The following MAPK10 variants were observed in gnomAD, a reference collection of about 807,000 sequenced individuals.
MAPK10 encodes the protein mitogen-activated protein kinase 10.
In MAPK10, 25 loss-of-function variants were observed where a neutral mutation model predicts 59.3. That is an observed-to-expected ratio of 0.42 (90% CI 0.31 to 0.59). The LOEUF is 0.59. Ranked by LOEUF, MAPK10 falls within the 20% of genes least tolerant of loss-of-function variation. The pLI, the probability that MAPK10 is intolerant of heterozygous loss-of-function variation, is 0.15. For synonymous variants in MAPK10, 190 were observed against 200.5 expected (o/e 0.95, Z 0.44); for missense variants, 351 against 568.9 (o/e 0.62, Z 3.90).
intron 3 of MAPK10, among the ~76,000 whole-genome samples, chr4:86,187,422 G>C (rs114682792): frequency 6.6e-6 from 1 of 152,036 alleles, no homozygotes; most frequent in African/African-American, 2.4e-5. Flanking sequence ...GGAGCAAGAT[G>C]GCACAAGATT....
At chr4:86,158,559 T>C (rs957025820) in intron 4 of MAPK10, among the ~76,000 whole-genome samples, 1 of 151,796 alleles carries the variant, frequency 6.6e-6, no homozygotes. Context: ...CCTGAATTTT[T>C]ACTTATCTGT....
At chr4:86,262,228 C>A (rs1353465360) in intron 2 of MAPK10, among the ~76,000 whole-genome samples, 1 of 152,166 alleles carries the variant, frequency 6.6e-6, no homozygotes, top group Non-Finnish European at 1.5e-5. Flanking sequence ...GTTTCCTCCC[C>A]CTCCCCTCTC....
chr4:86,327,385 C>A (rs1046696467), intron 2 of MAPK10: 2 of 151,924 alleles, frequency 1.3e-5, no homozygotes, highest in African/African-American at 4.8e-5. Context: ...GATTATCTCA[C>A]CCCCCAAAAA....
chr4:86,166,109 T>C (rs1231512212), intron 3 of MAPK10, among the ~76,000 whole-genome samples: 1 of 152,198 alleles, frequency 6.6e-6, no homozygotes, highest in Non-Finnish European at 1.5e-5. Flanking sequence ...TGAATACTTA[T>C]TAGGCACCAA....
intron 1 of MAPK10, among the ~76,000 whole-genome samples, chr4:86,521,986 C>G (rs1460457110): frequency 1.3e-5 from 2 of 151,688 alleles, no homozygotes; most frequent in Non-Finnish European, 2.9e-5. Context: ...GGAATGGCTT[C>G]CCTGGGTTGA....
At chr4:86,195,577 A>AT (rs957459095) in intron 2 of MAPK10, among the ~76,000 whole-genome samples, 3 of 148,968 alleles carry the variant, frequency 2.0e-5, no homozygotes, top group African/African-American at 5.2e-5. Flanking sequence ...TTTTATTTGT[A>AT]TTTTTTTATT....
intron 3 of MAPK10, among the ~76,000 whole-genome samples, chr4:86,169,831 A>T (rs1357542226): frequency 4.6e-5 from 7 of 152,194 alleles, no homozygotes; most frequent in Middle Eastern, 3.4e-3. Flanking sequence ...CGGGTTACCC[A>T]CAAAGGGAAG....
At chr4:86,344,916 T>C (rs1459956837) in intron 2 of MAPK10, among the ~76,000 whole-genome samples, 1 of 152,132 alleles carries the variant, frequency 6.6e-6, no homozygotes, top group Non-Finnish European at 1.5e-5. Context: ...TGCACACTAG[T>C]CTTTCAATAG....
intron 1 of MAPK10, among the ~76,000 whole-genome samples, chr4:86,505,848 T>C (rs965782615): frequency 6.6e-6 from 1 of 152,116 alleles, no homozygotes; most frequent in Non-Finnish European, 1.5e-5. Flanking sequence ...AGCCTACTTA[T>C]TGCGTCAATA....
intron 2 of MAPK10, among the ~76,000 whole-genome samples, chr4:86,280,652 T>C (rs924475940): frequency 6.6e-6 from 1 of 152,170 alleles, no homozygotes; most frequent in Non-Finnish European, 1.5e-5. Flanking sequence ...CTCATGTTTG[T>C]TGCAGTAATA....
At chr4:86,145,950 G>C (rs1481972925) in intron 4 of MAPK10, among the ~76,000 whole-genome samples, 1 of 152,104 alleles carries the variant, frequency 6.6e-6, no homozygotes, top group East Asian at 1.9e-4. Flanking sequence ...CAATTTCACA[G>C]AAAAGGAGTC....
rs181246460 is a variant in MAPK10 at position 86,251,324 on chromosome 4, C to G, written c.-6-56917G>C. On this transcript the variant is annotated intron_variant, in intron 2 of 13. Transcript: ENST00000641462. ...ATATCTACCAATGCTATCCCTCCCCCCTCCTCCCTCCCCACCACAGTCCCC... is the reference window on the plus strand; with the variant it reads ...ATATCTACCAATGCTATCCCTCCCCGCTCCTCCCTCCCCACCACAGTCCCC... Among the ~76,000 whole-genome samples the G allele has an allele frequency of 5.9e-3, 902 of 152,086 alleles. 5 individuals are homozygous for G. Among genetic ancestry groups the G allele is most frequent in the Non-Finnish European group, 9.3e-3 (629 of 67,996 alleles).
intron 1 of MAPK10, among the ~76,000 whole-genome samples, chr4:86,487,362 AGTGTGT>A (rs35053159): frequency 1.3e-5 from 2 of 148,716 alleles, no homozygotes; most frequent in Non-Finnish European, 3.0e-5. Flanking sequence ...AGAGAGAGAG[AGTGTGT>A]GTGTGTGTGT....
intron 1 of MAPK10, among the ~76,000 whole-genome samples, chr4:86,421,099 A>C (rs1362543755): frequency 2.6e-5 from 4 of 151,878 alleles, no homozygotes; most frequent in African/African-American, 9.7e-5. Context: ...AAAAAAAAAA[A>C]TTTACATATA....
chr4:86,107,250 G>A lies in MAPK10; in HGVS notation c.339C>T (p.Val113=), dbSNP rs28760360. The A allele has an allele frequency of 1.1e-3, 1,773 of 1,613,020 alleles. 17 individuals are homozygous for A. The African/African-American group carries it at 0.019, about 17-fold the overall frequency. Residue 113 remains valine, a synonymous_variant, in exon 5 of 14, where the codon GTC becomes GTT. Transcript: ENST00000641462. ...TTTTATGGTTCACACACTTCATGAG[G>A]ACCAGCTCCCGGTACGCTCTCTTGG... ...THAKRAYREL[V]LMKCVNHKNI...
At chr4:86,149,870 T>A (rs1467142870) in intron 4 of MAPK10, among the ~76,000 whole-genome samples, 2 of 152,186 alleles carry the variant, frequency 1.3e-5, no homozygotes, top group African/African-American at 4.8e-5. Context: ...TTCACAGCCC[T>A]CAGTATGTTG....
chr4:86,324,573 A>C (rs1269071714), intron 2 of MAPK10, among the ~76,000 whole-genome samples: 3 of 152,206 alleles, frequency 2.0e-5, no homozygotes, highest in Non-Finnish European at 4.4e-5. Flanking sequence ...ATTCAGTCTT[A>C]TCTCTCCTTC....
chr4:86,590,370 C>G (rs577495913), intron 1 of MAPK10, among the ~76,000 whole-genome samples: 1 of 152,262 alleles, frequency 6.6e-6, no homozygotes, highest in African/African-American at 2.4e-5. Context: ...TTTTATGTAA[C>G]TCCCACTCAT....
rs770000893 is a variant in MAPK10, at chr4:86,102,045, A to C, written c.426-13T>G. ...CATTACTAAGTAACTAGAAGGGTGA[A>C]TCCACAGTGTTAGTTCCAGATCACA... On this transcript the variant is annotated splice_polypyrimidine_tract_variant and intron_variant, in intron 6 of 13. Coordinates refer to ENST00000641462, the MANE Select transcript of MAPK10 (RefSeq NM_138982.4). 96 of 1,612,902 alleles carry C rather than the reference A, an allele frequency of 6.0e-5. No homozygotes were observed. The highest frequency in any genetic ancestry group is 8.5e-6 in the Non-Finnish European group (10 of 1,179,054).
Sources: gnomAD v4.1 joint callset for allele counts (sites outside exome capture counted in the v4.1 genomes callset) on GRCh38, gnomAD v4.1.1 for gene constraint, MANE v1.5 for transcripts, NCBI Gene and HGNC (gene_info 2026-07-23, HGNC 2026-07-21) for gene names.